The following DDHD1 variants were observed in gnomAD, a reference collection of about 807,000 sequenced individuals.
The protein encoded by DDHD1 is phospholipase DDHD1.
A neutral mutation model predicts 96.4 loss-of-function variants in DDHD1; 49 were observed. The ratio of observed to expected loss-of-function variants is 0.51; its 90% CI spans 0.40 to 0.64. The LOEUF (loss-of-function observed/expected upper bound fraction) is 0.64, where lower values mean the gene tolerates loss of function less well. DDHD1 is among the 30% of genes least tolerant of loss of function. DDHD1 has a pLI of 0.00. For missense variants in DDHD1, 1,106 were observed against 1,161.2 expected, an observed-to-expected ratio of 0.95 and a Z score of 0.69; for synonymous variants, 442 against 446.5, an observed-to-expected ratio of 0.99 and a Z score of 0.13.
At chr14:53,085,492 T>C (rs904137900) in intron 4 of DDHD1, among the ~76,000 whole-genome samples, 16 of 152,150 alleles carry the variant, frequency 1.1e-4, no homozygotes, top group African/African-American at 1.7e-4. Flanking sequence ...CCGCTGGTAA[T>C]ACCCAGGCAA....
intron 4 of DDHD1, among the ~76,000 whole-genome samples, chr14:53,076,238 T>C (rs1348154215): frequency 6.6e-6 from 1 of 152,134 alleles, no homozygotes; most frequent in Non-Finnish European, 1.5e-5. Context: ...GATTCAGTGA[T>C]TCATGGGGGG....
chr14:53,073,574 A>C (rs1884707868), intron 5 of DDHD1, among the ~76,000 whole-genome samples, 167 bp downstream of exon 5: 1 of 152,064 alleles, frequency 6.6e-6, no homozygotes, highest in African/African-American at 2.4e-5. Context: ...CTAGAAATCA[A>C]TGGATTTTAT....
At position 53,046,918 on chromosome 14, in the gene DDHD1, G is replaced by T; in HGVS notation, c.2553C>A (p.Leu851=). The T allele has an allele frequency of 6.2e-7, 1 of 1,610,514 alleles. No homozygotes were observed. The highest frequency in any genetic ancestry group is 8.5e-7 in the Non-Finnish European group (1 of 1,178,406). The change falls in exon 13 of 13, where the codon CTC becomes CTA. Residue 851 remains leucine, a synonymous_variant. Transcript: ENST00000673822. ...AGCGGCTCTCCACAAGGCCTTCTCTGAGTTCAAAATCAATCCTGTGATCCA... is the reference window on the plus strand; with the variant it reads ...AGCGGCTCTCCACAAGGCCTTCTCTTAGTTCAAAATCAATCCTGTGATCCA... ...VELDHRIDFE[L]REGLVESRYW...
chr14:53,145,011 G>A (rs114977748), intron 1 of DDHD1, among the ~76,000 whole-genome samples: 1,534 of 152,198 alleles, frequency 0.01, 31 homozygotes, highest in African/African-American at 0.035. Flanking sequence ...TTAGCCAGGC[G>A]TGATGGCGCT....
chr14:53,116,497 A>G (rs915546680), intron 1 of DDHD1, among the ~76,000 whole-genome samples: 1 of 152,182 alleles, frequency 6.6e-6, no homozygotes, highest in African/African-American at 2.4e-5. Context: ...AACAAATGCA[A>G]AAGAATGGAA....
chr14:53,059,987 G>A (rs957768151), intron 8 of DDHD1, among the ~76,000 whole-genome samples: 4 of 145,590 alleles, frequency 2.7e-5, no homozygotes, highest in Non-Finnish European at 6.0e-5. Context: ...TTACCATATT[G>A]TTTTACAATG....
At chr14:53,123,696 G>A (rs1022468266) in intron 1 of DDHD1, among the ~76,000 whole-genome samples, 3 of 152,052 alleles carry the variant, frequency 2.0e-5, no homozygotes, top group Non-Finnish European at 4.4e-5. Flanking sequence ...GCTAAAACAA[G>A]CAAAAAATGC....
At chr14:53,066,272 C>A (rs1303519732) in intron 6 of DDHD1, among the ~76,000 whole-genome samples, 1 of 152,136 alleles carries the variant, frequency 6.6e-6, no homozygotes, top group Non-Finnish European at 1.5e-5. Flanking sequence ...CTGCCTCAGC[C>A]TCCTGAGTAG....
intron 4 of DDHD1, among the ~76,000 whole-genome samples, chr14:53,077,470 C>T (rs112726470): frequency 2.1e-3 from 319 of 152,182 alleles, no homozygotes; most frequent in African/African-American, 7.4e-3. Flanking sequence ...GTTAATTCTT[C>T]CCTTTATTAA....
chr14:53,130,767 G>A (rs192710673), intron 1 of DDHD1, among the ~76,000 whole-genome samples: 272 of 152,296 alleles, frequency 1.8e-3, no homozygotes, highest in Non-Finnish European at 2.6e-3. Context: ...ACTGGAAATC[G>A]GACTGTCCAA....
chr14:53,143,111 T>G (rs1329860438), intron 1 of DDHD1, among the ~76,000 whole-genome samples: 3 of 152,250 alleles, frequency 2.0e-5, no homozygotes, highest in Non-Finnish European at 2.9e-5. Context: ...ATCCACGTTT[T>G]ATAGAAGAAG....
At chr14:53,055,269 A>G (rs1882942971) in intron 10 of DDHD1, among the ~76,000 whole-genome samples, 1 of 152,232 alleles carries the variant, frequency 6.6e-6, no homozygotes, top group Admixed American at 6.5e-5. Flanking sequence ...GACTTTTAGA[A>G]TAGATCAGAG....
chr14:53,101,192 A>AT (rs888163518), intron 2 of DDHD1, among the ~76,000 whole-genome samples: 4 of 152,104 alleles, frequency 2.6e-5, no homozygotes, highest in Non-Finnish European at 4.4e-5. Context: ...AGATTATAAT[A>AT]TTTTTTAGTC....
chr14:53,090,047 T>C (rs975433179), intron 4 of DDHD1, among the ~76,000 whole-genome samples: 1 of 151,978 alleles, frequency 6.6e-6, no homozygotes, highest in Admixed American at 6.5e-5. Context: ...AAGAACCTCA[T>C]CAAAAAGTAG....
Position 53,097,761 on chromosome 14 carries a change from C to T in DDHD1, c.1013-4317G>A, listed in dbSNP as rs576090014. Reference sequence around the variant, plus strand: ...TGTTTTAAAATTATGTAAACGCTTTCGGAAAGCTAGCCAAGATACACAAAT... The same window carrying T: ...TGTTTTAAAATTATGTAAACGCTTTTGGAAAGCTAGCCAAGATACACAAAT... On this transcript the variant is annotated intron_variant, in intron 2 of 12. Transcript: ENST00000673822. Among the ~76,000 whole-genome samples the T allele has an allele frequency of 1.2e-4, 18 of 151,870 alleles. No individual in the cohort carries two copies. The South Asian group carries it at 1.2e-3, about 11-fold the overall frequency.
intron 4 of DDHD1, among the ~76,000 whole-genome samples, chr14:53,082,382 T>C (rs1176528810): frequency 3.4e-5 from 5 of 147,108 alleles, no homozygotes; most frequent in African/African-American, 1.0e-4. Flanking sequence ...GTGACATAAA[T>C]ATAGAAAAAA....
intron 1 of DDHD1, among the ~76,000 whole-genome samples, chr14:53,136,574 A>G (rs76687939): frequency 6.6e-6 from 1 of 152,180 alleles, no homozygotes; most frequent in Admixed American, 6.5e-5. Context: ...AAACTACCTG[A>G]AGCCAGGGAA....
intron 10 of DDHD1, among the ~76,000 whole-genome samples, chr14:53,055,007 A>C (rs1350441611): frequency 6.6e-6 from 1 of 152,240 alleles, no homozygotes; most frequent in African/African-American, 2.4e-5. Context: ...TGGACATGTA[A>C]GAAAAAGCCA....
At chr14:53,123,743 T>C (rs1166587336) in intron 1 of DDHD1, among the ~76,000 whole-genome samples, 2 of 151,924 alleles carry the variant, frequency 1.3e-5, no homozygotes, top group Non-Finnish European at 2.9e-5. Flanking sequence ...AAACAGAAAT[T>C]TGGAATGGTG....
Sources: gnomAD v4.1 joint callset for allele counts (sites outside exome capture counted in the v4.1 genomes callset) on GRCh38, gnomAD v4.1.1 for gene constraint, MANE v1.5 for transcripts, NCBI Gene and HGNC (gene_info 2026-07-23, HGNC 2026-07-21) for gene names.